ACTN1: variants seen among roughly 807,000 people sequenced by gnomAD.
ACTN1 encodes the protein alpha-actinin-1.
A neutral mutation model predicts 119.6 loss-of-function variants in ACTN1; 30 were observed. That is an observed-to-expected ratio of 0.25 (90% CI 0.19 to 0.34). The LOEUF (loss-of-function observed/expected upper bound fraction) is 0.34. ACTN1 is among the 10% of genes least tolerant of loss of function. The pLI is 1.00. For missense variants in ACTN1, 764 were observed against 1,223.4 expected, an observed-to-expected ratio of 0.62 and a Z score of 5.60; for synonymous variants, 429 against 472.6, an observed-to-expected ratio of 0.91 and a Z score of 1.20.
At position 68,896,131 on chromosome 14, in the gene ACTN1, G is replaced by A. The variant is rs145329142; in HGVS notation, c.763-2384C>T. Among the ~76,000 whole-genome samples, 183 of 152,196 alleles carry A rather than the reference G, an allele frequency of 1.2e-3. 1 individual carries two copies. The highest frequency in any genetic ancestry group is 4.1e-3 in the African/African-American group (171 of 41,512). On this transcript the variant is annotated intron_variant, in intron 8 of 21. Transcript: ENST00000394419. ...GGCAGGCCAGGCTGCAGACTCCACC[G>A]GGTTCCCTTGAGAGACAGCCCAGCT...
intron 1 of ACTN1, among the ~76,000 whole-genome samples, chr14:68,949,797 A>G (rs2036068433): frequency 6.6e-6 from 1 of 152,238 alleles, no homozygotes; most frequent in Non-Finnish European, 1.5e-5. Context: ...ATTCTGACAC[A>G]TGCTGCAACA....
rs573453944 is a variant in ACTN1 at position 68,970,501 on chromosome 14, C to T, written c.105+8451G>A. On this transcript the variant is annotated intron_variant, in intron 1 of 21. Coordinates refer to ENST00000394419, the MANE Select transcript of ACTN1 (RefSeq NM_001130004.2). ...CCTGGTTCAAAGCCTGTTTGGTTCC[C>T]GTGGTGACCACAAAGGAAGAGACTC... Among the ~76,000 whole-genome samples the T allele has an allele frequency of 3.3e-5, 5 of 152,296 alleles. No homozygotes were observed. In the South Asian group the frequency reaches 8.3e-4, roughly 25 times the overall value.
intron 3 of ACTN1, among the ~76,000 whole-genome samples, chr14:68,914,532 A>G (rs2034182290): frequency 6.6e-6 from 1 of 152,114 alleles, no homozygotes; most frequent in Non-Finnish European, 1.5e-5. Flanking sequence ...TTGGGAGGCC[A>G]AGGTGGGAGG....
At chr14:68,898,634 G>A (rs973643484) in intron 8 of ACTN1, among the ~76,000 whole-genome samples, 1 of 152,042 alleles carries the variant, frequency 6.6e-6, no homozygotes, top group Non-Finnish European at 1.5e-5. Flanking sequence ...ACAAGGCGAG[G>A]TAGGGTTCCC....
intron 21 of ACTN1, 125 bp downstream of exon 21, chr14:68,876,957 G>A: frequency 8.6e-7 from 1 of 1,168,782 alleles, no homozygotes; most frequent in Non-Finnish European, 1.2e-6. Flanking sequence ...GGCAAACAAG[G>A]AGAGGCCAAA....
chr14:68,894,537 C>A (rs2032736882), intron 8 of ACTN1, among the ~76,000 whole-genome samples: 1 of 152,170 alleles, frequency 6.6e-6, no homozygotes, highest in Non-Finnish European at 1.5e-5. Context: ...GCTGTGGGGG[C>A]TACTGTACCC....
rs746505489 is a variant in ACTN1, at chr14:68,882,600, A to G, written c.1819-8T>C. 5.6e-6 allele frequency: 9 copies of G among 1,613,952 alleles called. No homozygotes were observed. In the Admixed American group the frequency reaches 1.5e-4, roughly 27 times the overall value. Reference sequence around the variant, plus strand: ...AGGCACCAGCTGCCGCACCTGGGGCAGGAACAACAAGGCGACTTTCAGGAT... The same window carrying G: ...AGGCACCAGCTGCCGCACCTGGGGCGGGAACAACAAGGCGACTTTCAGGAT... On this transcript the variant is annotated splice_polypyrimidine_tract_variant and splice_region_variant and intron_variant, in intron 15 of 21. Transcript: ENST00000394419. The surrounding 1 kb of genome is among the most constrained non-coding windows in gnomAD (Gnocchi z 4.5).
intron 1 of ACTN1, among the ~76,000 whole-genome samples, chr14:68,944,175 T>C (rs1400260746): frequency 1.3e-5 from 2 of 152,172 alleles, no homozygotes; most frequent in Non-Finnish European, 2.9e-5. Context: ...CTTCCAGGTC[T>C]CAGTTTTAGG....
chr14:68,878,349 G>A lies in ACTN1; in HGVS notation c.2427+109C>T, dbSNP rs189636599. 1.3e-5 allele frequency: 19 copies of A among 1,443,630 alleles called. No individual in the cohort carries two copies. Among genetic ancestry groups the A allele is most frequent in the Non-Finnish European group, 1.6e-5 (18 of 1,091,094 alleles). The allele number at this position is 1,443,630 out of a possible 1,614,324, so 89.4% of individuals were successfully genotyped here. A position where few individuals can be genotyped will look rare whatever the true frequency, so the allele number is the denominator to read the frequency against. ...ATGGGCCCTGGGGCTCCTCCAGGGAGGGCAGCCCCTAGCCTGAGGGCCTCC... is the reference window on the plus strand; with the variant it reads ...ATGGGCCCTGGGGCTCCTCCAGGGAAGGCAGCCCCTAGCCTGAGGGCCTCC... On this transcript the variant is annotated intron_variant, in intron 20 of 21. Transcript: ENST00000394419. The surrounding 1 kb of genome is among the most constrained non-coding windows in gnomAD (Gnocchi z 4.4).
Position 68,909,405 on chromosome 14 carries a change from G to A in ACTN1, c.516-9C>T, listed in dbSNP as rs1390864340. 1.2e-6 allele frequency: 2 copies of A among 1,613,748 alleles called. No homozygotes were observed. The highest frequency in any genetic ancestry group is 2.7e-5 in the African/African-American group (2 of 74,914). ...CGAGGCCATCCTTCCAGCTGCCCGG[G>A]GAGAGAGAAGAAGGAGCAGGCTGGT... On this transcript the variant is annotated splice_polypyrimidine_tract_variant and intron_variant, in intron 5 of 21. Coordinates refer to ENST00000394419, the MANE Select transcript of ACTN1 (RefSeq NM_001130004.2). This position sits in a 1 kb window ranked among gnomAD's most constrained non-coding sequence, Gnocchi z 4.1.
At chr14:68,952,778 C>A (rs185925902) in intron 1 of ACTN1, among the ~76,000 whole-genome samples, 57 of 152,272 alleles carry the variant, frequency 3.7e-4, no homozygotes, top group African/African-American at 1.4e-3. Flanking sequence ...GAGCCAGAGC[C>A]TCCGGTTCTC....
intron 1 of ACTN1, among the ~76,000 whole-genome samples, chr14:68,927,163 A>T (rs2034967789): frequency 6.9e-6 from 1 of 144,408 alleles, no homozygotes; most frequent in African/African-American, 2.9e-5. Flanking sequence ...TAGATAGGGG[A>T]CATACACTGA....
At chr14:68,944,189 A>T (rs1341928632) in intron 1 of ACTN1, among the ~76,000 whole-genome samples, 1 of 152,144 alleles carries the variant, frequency 6.6e-6, no homozygotes, top group Admixed American at 6.5e-5. Context: ...TTTTAGGGAG[A>T]TGGAAAGAGG....
intron 6 of ACTN1, among the ~76,000 whole-genome samples, chr14:68,907,425 G>A (rs137960360): frequency 0.013 from 1,947 of 148,442 alleles, 43 homozygotes; most frequent in African/African-American, 0.045. Context: ...TTAGCCAGGC[G>A]TGCTGGCGTG....
At chr14:68,888,145 G>C (rs1442697043) in intron 11 of ACTN1, 1 of 557,404 alleles carries the variant, frequency 1.8e-6, no homozygotes, top group Non-Finnish European at 3.3e-6. Flanking sequence ...GACAGCCTTT[G>C]CGAAACTGTG....
intron 1 of ACTN1, among the ~76,000 whole-genome samples, chr14:68,940,291 T>G (rs1394116606): frequency 6.6e-6 from 1 of 152,120 alleles, no homozygotes; most frequent in Non-Finnish European, 1.5e-5. Context: ...GAGCTCTGGG[T>G]CACTCAATTC....
chr14:68,877,539 C>G (rs1181639421), intron 20 of ACTN1: 2 of 357,528 alleles, frequency 5.6e-6, no homozygotes, highest in African/African-American at 4.2e-5. Flanking sequence ...TGTAGCATAT[C>G]AAGTATTAAT....
chr14:68,970,484 A>G (rs2036849138), intron 1 of ACTN1, among the ~76,000 whole-genome samples: 1 of 152,252 alleles, frequency 6.6e-6, no homozygotes, highest in African/African-American at 2.4e-5. Flanking sequence ...TGCCTGGTTC[A>G]AAGCCTGTTT....
rs1172399904 is a variant in ACTN1, at chr14:68,925,319, T to C, written c.220+239A>G. ...AAGGAACCTCAGTTCCTTCAAACCC[T>C]TTTTTTTTTTTTTTTTTTTTTTAAA... On this transcript the variant is annotated intron_variant, in intron 2 of 21. Transcript: ENST00000394419. The surrounding 1 kb of genome is among the most constrained non-coding windows in gnomAD (Gnocchi z 4.3). 4.4e-5 allele frequency among the ~76,000 whole-genome samples: 2 copies of C among 45,298 alleles called. No individual in the cohort carries two copies. The highest frequency in any genetic ancestry group is 1.5e-3 in the East Asian group (1 of 648). The allele number at this position is 45,298 out of a possible 152,430, so 29.7% of individuals were successfully genotyped here.
Sources: allele counts gnomAD v4.1 joint callset (sites outside exome capture counted in the v4.1 genomes callset), GRCh38; gene constraint gnomAD v4.1.1; non-coding constraint Gnocchi (gnomAD v3.1); transcripts MANE v1.5; gene names NCBI Gene and HGNC (gene_info 2026-07-23, HGNC 2026-07-21).